PAPPA2: variants seen among roughly 807,000 people sequenced by gnomAD.
PAPPA2 encodes the protein pappalysin 2.
In PAPPA2, 86 loss-of-function variants were observed where a neutral mutation model predicts 176.4. The observed-to-expected ratio is 0.49, with a 90% CI of 0.41 to 0.58. The LOEUF (loss-of-function observed/expected upper bound fraction) is 0.58, where lower values mean the gene tolerates loss of function less well. PAPPA2 is among the 20% of genes least tolerant of loss of function. PAPPA2 has a pLI of 0.00. For missense variants in PAPPA2, 2,073 were observed against 2,256.9 expected, an observed-to-expected ratio of 0.92 and a Z score of 1.65; for synonymous variants, 809 against 852.2, an observed-to-expected ratio of 0.95 and a Z score of 0.88.
intron 3 of PAPPA2, among the ~76,000 whole-genome samples, chr1:176,632,970 G>C (rs931082741): frequency 6.6e-6 from 1 of 152,052 alleles, no homozygotes; most frequent in Non-Finnish European, 1.5e-5. Flanking sequence ...GGGAAGGAGA[G>C]GAAGGAGGAG....
chr1:176,492,690 G>A (rs536997421), intron 1 of PAPPA2, among the ~76,000 whole-genome samples: 1 of 152,278 alleles, frequency 6.6e-6, no homozygotes, highest in East Asian at 1.9e-4. Flanking sequence ...TTGAAAGTAA[G>A]CTAGCTCAGA....
chr1:176,673,719 A>T (rs1659140255), intron 4 of PAPPA2, among the ~76,000 whole-genome samples: 1 of 152,152 alleles, frequency 6.6e-6, no homozygotes, highest in Admixed American at 6.6e-5. Context: ...TTTAAAAATT[A>T]TTTATTTGAA....
intron 21 of PAPPA2, among the ~76,000 whole-genome samples, chr1:176,826,282 C>T (rs1386166364): frequency 6.6e-6 from 1 of 152,132 alleles, no homozygotes; most frequent in African/African-American, 2.4e-5. Context: ...TCTGGGCTTG[C>T]AAGATTTAAA....
chr1:176,603,673 T>A (rs989251020), intron 3 of PAPPA2, among the ~76,000 whole-genome samples: 1 of 152,212 alleles, frequency 6.6e-6, no homozygotes, highest in African/African-American at 2.4e-5. Context: ...GGAAGCATTC[T>A]GTTGCCCTCA....
chr1:176,769,711 C>A lies in PAPPA2; in HGVS notation c.4428C>A (p.Asn1476Lys). The A allele has an allele frequency of 1.2e-6, 2 of 1,613,926 alleles. No individual in the cohort carries two copies. Among genetic ancestry groups the A allele is most frequent in the African/African-American group, 2.7e-5 (2 of 75,006 alleles). ...VPDPSLVNYA[N>K]FSCSEGTKFL... is the part of the protein sequence containing the mutation. ...ACCCGTCTTTGGTGAACTATGCAAA[C>A]TTCTCCTGCTCAGAGGGAACCAAAT... The change falls in exon 16 of 23, where the codon AAC becomes AAA. Residue 1476 changes from asparagine (N) to lysine (K), a missense_variant. Asn to Lys is a moderately conservative substitution (Grantham distance 94). Transcript: ENST00000367662.
chr1:176,647,605 G>T lies in PAPPA2; in HGVS notation c.1992-23365G>T, dbSNP rs1657477269. On this transcript the variant is annotated intron_variant, in intron 3 of 22. Coordinates refer to ENST00000367662, the MANE Select transcript of PAPPA2 (RefSeq NM_020318.3). ...TATTTTTTGTATGTGGTAAGAGATA[G>T]GGGTCTGGTTCTATTCTTCTGCATA... Among the ~76,000 whole-genome samples the T allele has an allele frequency of 5.3e-5, 8 of 151,650 alleles. No homozygotes were observed. In the South Asian group the frequency reaches 1.7e-3, roughly 31 times the overall value.
intron 2 of PAPPA2, among the ~76,000 whole-genome samples, chr1:176,588,068 G>T (rs763811537): frequency 9.9e-5 from 15 of 152,108 alleles, no homozygotes; most frequent in Non-Finnish European, 1.5e-4. Flanking sequence ...CCATTTGTTT[G>T]TGTCCTCTCT....
chr1:176,794,196 C>CGATA (rs1378015143), intron 20 of PAPPA2, among the ~76,000 whole-genome samples: 1 of 152,158 alleles, frequency 6.6e-6, no homozygotes. Context: ...CTTAGGTAGT[C>CGATA]TGGCGTTTTG....
intron 12 of PAPPA2, among the ~76,000 whole-genome samples, chr1:176,717,478 T>C (rs560873632): frequency 3.7e-3 from 571 of 152,336 alleles, no homozygotes; most frequent in African/African-American, 0.013. Flanking sequence ...GGTATAAATA[T>C]GACTGCCAAA....
At chr1:176,732,022 A>C (rs560168208) in intron 12 of PAPPA2, among the ~76,000 whole-genome samples, 2 of 152,298 alleles carry the variant, frequency 1.3e-5, no homozygotes, top group South Asian at 4.1e-4. Context: ...ATAATTTAAA[A>C]AATATAATTA....
intron 3 of PAPPA2, among the ~76,000 whole-genome samples, chr1:176,598,990 C>T (rs542051736): frequency 1.3e-5 from 2 of 152,234 alleles, no homozygotes; most frequent in Middle Eastern, 3.4e-3. Flanking sequence ...AAATGCACTT[C>T]TCAGAATGAT....
intron 2 of PAPPA2, among the ~76,000 whole-genome samples, chr1:176,565,551 C>T (rs575516274): frequency 3.9e-5 from 6 of 152,200 alleles, no homozygotes; most frequent in Non-Finnish European, 7.4e-5. Flanking sequence ...AAAAATTAGC[C>T]GGGTGTAGTG....
At chr1:176,548,436 C>A (rs1269711566) in intron 1 of PAPPA2, among the ~76,000 whole-genome samples, 1 of 152,058 alleles carries the variant, frequency 6.6e-6, no homozygotes. Context: ...GACATTGGAC[C>A]CTCACTCAAT....
chr1:176,637,273 T>G (rs1403901329), intron 3 of PAPPA2, among the ~76,000 whole-genome samples: 1 of 152,078 alleles, frequency 6.6e-6, no homozygotes, highest in East Asian at 1.9e-4. Flanking sequence ...AACTAATTAT[T>G]GAGTAATGAA....
chr1:176,772,830 T>C lies in PAPPA2; in HGVS notation c.4715+1650T>C, dbSNP rs377455653. Among the ~76,000 whole-genome samples, 3 of 152,182 alleles carry C rather than the reference T, an allele frequency of 2.0e-5. No homozygotes were observed. In the East Asian group the frequency reaches 5.8e-4, roughly 29 times the overall value. ...AGTGAAAATGTTACTACAATTACCC[T>C]GAAGGCTGCTGTTTTCTTGCTTTTT... On this transcript the variant is annotated intron_variant, in intron 17 of 22. Transcript: ENST00000367662.
chr1:176,695,356 T>C (rs1660327188), intron 6 of PAPPA2, among the ~76,000 whole-genome samples: 1 of 152,218 alleles, frequency 6.6e-6, no homozygotes. Flanking sequence ...TTGCCTGTTT[T>C]AGTGGGGAAA....
chr1:176,793,861 C>T (rs998495511), intron 20 of PAPPA2, among the ~76,000 whole-genome samples, 192 bp downstream of exon 20: 14 of 152,048 alleles, frequency 9.2e-5, no homozygotes, highest in Non-Finnish European at 1.8e-4. Context: ...AGATATCCGC[C>T]GAGGTGGGCG....
intron 17 of PAPPA2, among the ~76,000 whole-genome samples, chr1:176,780,741 T>C (rs999069998): frequency 3.3e-5 from 5 of 152,186 alleles, no homozygotes; most frequent in African/African-American, 9.7e-5. Flanking sequence ...ATATTCTCGG[T>C]GCTCAATAAA....
intron 4 of PAPPA2, among the ~76,000 whole-genome samples, chr1:176,672,543 G>A (rs539133208): frequency 1.1e-4 from 16 of 152,056 alleles, no homozygotes; most frequent in African/African-American, 3.9e-4. Flanking sequence ...GATTGGGGAA[G>A]GAGGAAGATG....
Sources: gnomAD v4.1 joint callset for allele counts (sites outside exome capture counted in the v4.1 genomes callset) on GRCh38, gnomAD v4.1.1 for gene constraint, MANE v1.5 for transcripts, NCBI Gene and HGNC (gene_info 2026-07-23, HGNC 2026-07-21) for gene names.